ROBO1: variants seen among roughly 807,000 people sequenced by gnomAD.
The protein encoded by ROBO1 is roundabout homolog 1.
ROBO1 carries 149 observed loss-of-function variants against 195.9 expected under a neutral mutation model. The ratio of observed to expected loss-of-function variants is 0.76; its 90% CI spans 0.67 to 0.87. The LOEUF (loss-of-function observed/expected upper bound fraction) is 0.87, where lower values mean the gene tolerates loss of function less well. Ranked by LOEUF, ROBO1 falls within the 40% of genes least tolerant of loss-of-function variation. The probability of loss-of-function intolerance (pLI) is 0.00; values close to 1 mark genes in which losing one functional copy is unlikely to be tolerated. For synonymous variants in ROBO1, 816 were observed against 733.2 expected (o/e 1.11, Z -1.82); for missense variants, 1,933 against 2,068.3 (o/e 0.93, Z 1.27).
chr3:79,063,516 A>C (rs1453230256), intron 3 of ROBO1, among the ~76,000 whole-genome samples: 1 of 151,288 alleles, frequency 6.6e-6, no homozygotes, highest in African/African-American at 2.4e-5. Flanking sequence ...ATTCCAAAAA[A>C]AAAAAAAAAA....
At chr3:79,176,048 C>G (rs1214933384) in intron 2 of ROBO1, among the ~76,000 whole-genome samples, 1 of 152,170 alleles carries the variant, frequency 6.6e-6, no homozygotes. Flanking sequence ...TGGGGCCAAT[C>G]TGGTTTATAT....
chr3:78,865,767 G>A (rs2035138160), intron 4 of ROBO1, among the ~76,000 whole-genome samples: 1 of 151,970 alleles, frequency 6.6e-6, no homozygotes, highest in Non-Finnish European at 1.5e-5. Flanking sequence ...CACCGTGCCT[G>A]GCCATGGATG....
chr3:78,953,946 C>A (rs1031347298), intron 3 of ROBO1, among the ~76,000 whole-genome samples: 1 of 151,964 alleles, frequency 6.6e-6, no homozygotes, highest in Non-Finnish European at 1.5e-5. Flanking sequence ...TTTAGATTCT[C>A]CTCCTAACTC....
chr3:79,413,512 T>C (rs1423967369), intron 2 of ROBO1, among the ~76,000 whole-genome samples: 2 of 152,084 alleles, frequency 1.3e-5, no homozygotes, highest in Admixed American at 6.6e-5. Context: ...CAGCTGCCGG[T>C]AGACTTCAGT....
intron 2 of ROBO1, among the ~76,000 whole-genome samples, chr3:79,490,393 A>G (rs1461533740): frequency 6.6e-6 from 1 of 152,116 alleles, no homozygotes; most frequent in Non-Finnish European, 1.5e-5. Context: ...TCATCTTTGT[A>G]TAAGAAACAC....
chr3:78,946,817 G>A (rs2107741397), intron 3 of ROBO1, among the ~76,000 whole-genome samples: 1 of 152,248 alleles, frequency 6.6e-6, no homozygotes, highest in South Asian at 2.1e-4. Flanking sequence ...AAAATAAAGG[G>A]ATGGAGAAAG....
chr3:78,922,247 G>C (rs2038975108), intron 4 of ROBO1, among the ~76,000 whole-genome samples: 1 of 152,082 alleles, frequency 6.6e-6, no homozygotes, highest in Non-Finnish European at 1.5e-5. Flanking sequence ...TGGATTCCCT[G>C]ACCCCCAAGT....
chr3:79,331,456 A>C (rs1468570835), intron 2 of ROBO1, among the ~76,000 whole-genome samples: 8 of 152,248 alleles, frequency 5.3e-5, no homozygotes, highest in South Asian at 4.1e-4. Context: ...GCCATTTATA[A>C]AAGACTTCTG....
At chr3:79,445,802 C>A (rs141520114) in intron 2 of ROBO1, among the ~76,000 whole-genome samples, 7 of 151,888 alleles carry the variant, frequency 4.6e-5, no homozygotes, top group Non-Finnish European at 8.8e-5. Flanking sequence ...GCTGGGACTA[C>A]AGGCGCCCGC....
chr3:79,521,521 G>A (rs1232277828), intron 2 of ROBO1, among the ~76,000 whole-genome samples: 4 of 152,120 alleles, frequency 2.6e-5, no homozygotes, highest in Non-Finnish European at 5.9e-5. Flanking sequence ...TAATAGGTGT[G>A]TCTTCGTTAG....
intron 3 of ROBO1, among the ~76,000 whole-genome samples, chr3:78,968,351 T>C (rs545039061): frequency 6.1e-4 from 92 of 150,642 alleles, no homozygotes; most frequent in Non-Finnish European, 1.0e-3. Flanking sequence ...CTTGGCTCAC[T>C]GCAACCTCTG....
intron 2 of ROBO1, among the ~76,000 whole-genome samples, chr3:79,443,198 A>G (rs2039119655): frequency 6.6e-6 from 1 of 152,212 alleles, no homozygotes; most frequent in African/African-American, 2.4e-5. Flanking sequence ...AAAATTATGT[A>G]CCTTAAAACC....
At chr3:79,295,636 T>C (rs13084594) in intron 2 of ROBO1, among the ~76,000 whole-genome samples, 2 of 151,928 alleles carry the variant, frequency 1.3e-5, no homozygotes, top group African/African-American at 4.9e-5. Context: ...CAAATGCTTC[T>C]TGAAAAAGAA....
intron 1 of ROBO1, among the ~76,000 whole-genome samples, chr3:79,738,864 G>A (rs1026006997): frequency 1.3e-5 from 2 of 152,134 alleles, no homozygotes; most frequent in Non-Finnish European, 2.9e-5. Flanking sequence ...TCTAGTGAAA[G>A]AGACACTCCA....
At chr3:79,399,278 G>C (rs539493725) in intron 2 of ROBO1, among the ~76,000 whole-genome samples, 4 of 152,084 alleles carry the variant, frequency 2.6e-5, no homozygotes, top group Non-Finnish European at 5.9e-5. Flanking sequence ...CCTGCAAGTT[G>C]CTTCCCATTC....
intron 2 of ROBO1, among the ~76,000 whole-genome samples, chr3:79,292,382 T>C (rs1218703089): frequency 6.6e-6 from 1 of 152,210 alleles, no homozygotes; most frequent in East Asian, 1.9e-4. Flanking sequence ...TTCTTTTGAT[T>C]GATTTCCCTG....
rs113346941 is a variant in ROBO1, at chr3:78,947,688, G to A, written c.173-8761C>T. On this transcript the variant is annotated intron_variant, in intron 3 of 30. Transcript: ENST00000464233. Reference sequence around the variant, plus strand: ...TAACCAAGAACAGAGCAGAACTGACGGAAATAGAGACAATAAAACCCTTCA... The same window carrying A: ...TAACCAAGAACAGAGCAGAACTGACAGAAATAGAGACAATAAAACCCTTCA... 4.2e-3 allele frequency among the ~76,000 whole-genome samples: 638 copies of A among 152,186 alleles called. 4 individuals carry two copies. The highest frequency in any genetic ancestry group is 0.015 in the African/African-American group (605 of 41,514).
intron 1 of ROBO1, among the ~76,000 whole-genome samples, chr3:79,635,660 T>C (rs774774955): frequency 1.3e-5 from 2 of 152,176 alleles, no homozygotes; most frequent in Admixed American, 1.3e-4. Flanking sequence ...CAGCTTTGAT[T>C]AGTAATAAAA....
chr3:78,864,696 G>C (rs924940956), intron 4 of ROBO1, among the ~76,000 whole-genome samples: 6 of 151,212 alleles, frequency 4.0e-5, no homozygotes, highest in African/African-American at 1.5e-4. Context: ...ATGCATGTAT[G>C]TATATATACA....
Sources: gnomAD v4.1 joint callset for allele counts (sites outside exome capture counted in the v4.1 genomes callset) on GRCh38, gnomAD v4.1.1 for gene constraint, MANE v1.5 for transcripts, NCBI Gene and HGNC (gene_info 2026-07-23, HGNC 2026-07-21) for gene names.